NRG1: variants seen among roughly 807,000 people sequenced by gnomAD.
NRG1 encodes pro-neuregulin-1, membrane-bound isoform.
In NRG1, 18 loss-of-function variants were observed where a neutral mutation model predicts 63.8. The ratio of observed to expected loss-of-function variants is 0.28; its 90% CI spans 0.19 to 0.42. The LOEUF is 0.42. Ranked by LOEUF, NRG1 falls within the 10% of genes least tolerant of loss-of-function variation. NRG1 has a pLI of 1.00. For missense variants in NRG1, 762 were observed against 814.7 expected (o/e 0.94, Z 0.79); for synonymous variants, 302 against 301.3 (o/e 1.00, Z -0.02).
chr8:32,505,497 T>G (rs762617195), intron 1 of NRG1, among the ~76,000 whole-genome samples: 1 of 152,154 alleles, frequency 6.6e-6, no homozygotes, highest in Non-Finnish European at 1.5e-5. Flanking sequence ...CCAGTAAGAC[T>G]TTTATGACTC....
At position 32,755,153 on chromosome 8, in the gene NRG1, G is replaced by T. The variant is rs998906777; in HGVS notation, c.794+679G>T. Among the ~76,000 whole-genome samples, 12 of 152,160 alleles carry T rather than the reference G, an allele frequency of 7.9e-5. No homozygotes were observed. In the South Asian group the frequency reaches 2.1e-3, roughly 26 times the overall value. ...AAACTTTCTTTGAAAACATAAGAGA[G>T]AAAACATTAGAATAGATTTGGGTTC... On this transcript the variant is annotated intron_variant, in intron 8 of 11. Transcript: ENST00000356819.
At chr8:32,143,423 C>T (rs1207321987) in intron 1 of NRG1, among the ~76,000 whole-genome samples, 1 of 152,156 alleles carries the variant, frequency 6.6e-6, no homozygotes, top group Non-Finnish European at 1.5e-5. Context: ...CAAAAAATGT[C>T]TGTTCTTCCC....
chr8:32,162,377 A>G (rs2131924827), intron 1 of NRG1, among the ~76,000 whole-genome samples: 1 of 152,320 alleles, frequency 6.6e-6, no homozygotes, highest in Non-Finnish European at 1.5e-5. Context: ...TTCACCTTGG[A>G]TTCAGTTGTG....
At chr8:32,649,355 G>C (rs1229178771) in intron 5 of NRG1, among the ~76,000 whole-genome samples, 1 of 152,082 alleles carries the variant, frequency 6.6e-6, no homozygotes, top group Non-Finnish European at 1.5e-5. Context: ...TATCAATATA[G>C]AAGGGAGGAG....
chr8:32,710,716 T>A (rs76894354), intron 5 of NRG1, among the ~76,000 whole-genome samples: 1 of 152,208 alleles, frequency 6.6e-6, no homozygotes, highest in African/African-American at 2.4e-5. Context: ...GGTCACATCA[T>A]TGAATTTCTG....
chr8:32,496,476 C>A lies in NRG1; in HGVS notation c.38-99352C>A, dbSNP rs910735841. 2.6e-5 allele frequency among the ~76,000 whole-genome samples: 4 copies of A among 152,072 alleles called. No homozygotes were observed. In the East Asian group the frequency reaches 7.7e-4, roughly 29 times the overall value. On this transcript the variant is annotated intron_variant, in intron 1 of 10. Coordinates refer to the NRG1 transcript ENST00000519301. ...ATGGCGGTGCGTGCCTGTAGTCTCACCTACTTGGGAAACTAAGGAGGGAGG... is the reference window on the plus strand; with the variant it reads ...ATGGCGGTGCGTGCCTGTAGTCTCAACTACTTGGGAAACTAAGGAGGGAGG...
chr8:32,339,966 T>C (rs1253226901), intron 1 of NRG1, among the ~76,000 whole-genome samples: 2 of 152,124 alleles, frequency 1.3e-5, no homozygotes, highest in African/African-American at 4.8e-5. Flanking sequence ...TCTGAGATAC[T>C]GGCTTTTAGA....
At chr8:32,098,937 T>C (rs1204336623) in intron 1 of NRG1, 1 of 152,176 alleles carries the variant, frequency 6.6e-6, no homozygotes, top group Non-Finnish European at 1.5e-5. Flanking sequence ...GTAAAGGCAG[T>C]GAGCAGGAAT....
At chr8:32,337,652 G>GTAAAAAAAAAAAAAAA (rs1803447672) in intron 1 of NRG1, among the ~76,000 whole-genome samples, 1 of 5,942 alleles carries the variant, frequency 1.7e-4, no homozygotes. Flanking sequence ...AAGAGTTATT[G>GTAAAAAAAAAAAAAAA]CAAAAAAAAA....
intron 1 of NRG1, among the ~76,000 whole-genome samples, chr8:32,229,454 C>T (rs914818716): frequency 6.6e-6 from 1 of 152,066 alleles, no homozygotes; most frequent in Non-Finnish European, 1.5e-5. Context: ...CTCACTCATT[C>T]GTGTGCCTGC....
At chr8:32,716,110 G>GTC (rs1427011428) in intron 5 of NRG1, among the ~76,000 whole-genome samples, 1 of 152,170 alleles carries the variant, frequency 6.6e-6, no homozygotes, top group Non-Finnish European at 1.5e-5. Context: ...TCCTGCATAT[G>GTC]TCTCTCCATT....
intron 1 of NRG1, among the ~76,000 whole-genome samples, chr8:32,372,988 A>G (rs920506549): frequency 1.6e-4 from 24 of 152,310 alleles, no homozygotes; most frequent in African/African-American, 5.5e-4. Flanking sequence ...GCTTTTTAGC[A>G]AATAGGAAGC....
chr8:32,503,288 G>GAA lies in NRG1; in HGVS notation c.38-92513_38-92512dup, dbSNP rs60857610. Among the ~76,000 whole-genome samples the GAA allele has an allele frequency of 2.8e-3, 153 of 54,840 alleles. 15 individuals are homozygous for GAA. The highest frequency in any genetic ancestry group is 3.8e-3 in the Non-Finnish European group (113 of 29,572). The allele number at this position is 54,840 out of a possible 152,430, so 36.0% of individuals were successfully genotyped here. A position where few individuals can be genotyped will look rare whatever the true frequency, so the allele number is the denominator to read the frequency against. ...GGCTACAGAGCGAGACTCTGTCTCA[G>GAA]AAAAAAAAAAAAAAAAAAAAAAAAA... On this transcript the variant is annotated intron_variant, in intron 1 of 10. Transcript: ENST00000519301.
At chr8:32,351,173 C>T (rs1040874629) in intron 1 of NRG1, among the ~76,000 whole-genome samples, 5 of 151,592 alleles carry the variant, frequency 3.3e-5, no homozygotes, top group African/African-American at 9.7e-5. Context: ...TCTCCCTGCA[C>T]TTCTCACTTT....
chr8:32,250,263 A>T (rs1848967681), intron 1 of NRG1, among the ~76,000 whole-genome samples: 1 of 152,128 alleles, frequency 6.6e-6, no homozygotes, highest in South Asian at 2.1e-4. Context: ...CATTTTAGTC[A>T]TTCATTATGG....
At chr8:31,729,833 A>G (rs143942200) in intron 1 of NRG1, among the ~76,000 whole-genome samples, 37 of 152,296 alleles carry the variant, frequency 2.4e-4, no homozygotes, top group African/African-American at 8.2e-4. Flanking sequence ...CTGCTGAATG[A>G]CGGTTACAAA....
At chr8:32,411,469 C>T (rs1055971356) in intron 1 of NRG1, among the ~76,000 whole-genome samples, 4 of 152,138 alleles carry the variant, frequency 2.6e-5, no homozygotes, top group African/African-American at 9.7e-5. Context: ...AGGCTGAGGC[C>T]ATGTACCTCA....
intron 1 of NRG1, among the ~76,000 whole-genome samples, chr8:32,233,564 T>TATATATATATATA (rs1554660618): frequency 1.3e-3 from 35 of 27,140 alleles, no homozygotes; most frequent in Admixed American, 4.0e-3. Flanking sequence ...TATATATATA[T>TATATATATATATA]TTTTTTTTTT....
At chr8:32,242,256 A>G (rs1001688372) in intron 1 of NRG1, among the ~76,000 whole-genome samples, 6 of 152,126 alleles carry the variant, frequency 3.9e-5, no homozygotes, top group African/African-American at 1.4e-4. Context: ...CAGCTGGATC[A>G]TGAGGTCAGG....
Sources: gnomAD v4.1 joint callset for allele counts (sites outside exome capture counted in the v4.1 genomes callset) on GRCh38, gnomAD v4.1.1 for gene constraint, MANE v1.5 for transcripts, NCBI Gene and HGNC (gene_info 2026-07-23, HGNC 2026-07-21) for gene names.